Variants in SLC24A2 observed in about 807,000 individuals in gnomAD.
The protein encoded by SLC24A2 is sodium/potassium/calcium exchanger 2.
A neutral mutation model predicts 62.0 loss-of-function variants in SLC24A2; 36 were observed. The observed-to-expected ratio is 0.58, with a 90% CI of 0.44 to 0.77. The LOEUF (loss-of-function observed/expected upper bound fraction) is 0.77, where lower values mean the gene tolerates loss of function less well. Among genes scored for constraint, SLC24A2 ranks in the 30% least tolerant of loss-of-function variants. The probability of loss-of-function intolerance (pLI) is 0.00; values close to 1 mark genes in which losing one functional copy is unlikely to be tolerated. For synonymous variants in SLC24A2, 358 were observed against 294.0 expected, an observed-to-expected ratio of 1.22 and a Z score of -2.23; for missense variants, 846 against 817.9, an observed-to-expected ratio of 1.03 and a Z score of -0.42.
At chr9:20,041,862 G>C in the SLC24A2 span, among the ~76,000 whole-genome samples, 1 of 152,240 alleles carries the variant, frequency 6.6e-6, no homozygotes, top group Non-Finnish European at 1.5e-5. Flanking sequence ...CTTCCAGAGT[G>C]GGGAGTTGGC....
At chr9:20,125,612 C>T in the SLC24A2 span, among the ~76,000 whole-genome samples, 464 of 152,232 alleles carry the variant, frequency 3.0e-3, 1 homozygote, top group African/African-American at 0.01. Context: ...TCCCCTCATT[C>T]CACTGGGCCC....
chr9:19,797,276 A>G, the SLC24A2 span, among the ~76,000 whole-genome samples: 4 of 152,178 alleles, frequency 2.6e-5, no homozygotes, highest in East Asian at 1.9e-4. Flanking sequence ...TAGGTGTTCG[A>G]TAAGTATCTT....
chr9:19,889,997 C>T, the SLC24A2 span, among the ~76,000 whole-genome samples: 1 of 151,416 alleles, frequency 6.6e-6, no homozygotes, highest in African/African-American at 2.4e-5. Context: ...CCATACTTCT[C>T]TTTGCACACA....
At chr9:20,196,036 TAATATA>T in the SLC24A2 span, among the ~76,000 whole-genome samples, 10 of 152,122 alleles carry the variant, frequency 6.6e-5, no homozygotes, top group African/African-American at 1.9e-4. Flanking sequence ...TAAGCGAATA[TAATATA>T]AATATAATTT....
chr9:19,811,132 T>C, the SLC24A2 span, among the ~76,000 whole-genome samples: 3 of 152,178 alleles, frequency 2.0e-5, no homozygotes, highest in Admixed American at 6.5e-5. Flanking sequence ...GGAACCCTCA[T>C]GAATGAGATG....
At chr9:19,691,128 T>A (rs1820034965) in intron 2 of SLC24A2, among the ~76,000 whole-genome samples, 2 of 152,134 alleles carry the variant, frequency 1.3e-5, no homozygotes, top group African/African-American at 4.8e-5. Flanking sequence ...TGAAACATCC[T>A]CCTTTGAAGG....
the SLC24A2 span, among the ~76,000 whole-genome samples, chr9:20,072,152 T>C: frequency 2.6e-5 from 4 of 152,062 alleles, no homozygotes; most frequent in Non-Finnish European, 5.9e-5. Context: ...ACTTCATAGG[T>C]TATCTATGAT....
chr9:20,223,886 G>T, the SLC24A2 span, among the ~76,000 whole-genome samples: 1 of 152,130 alleles, frequency 6.6e-6, no homozygotes, highest in Non-Finnish European at 1.5e-5. Context: ...CGGATTTACA[G>T]TTCTGCATGG....
At chr9:19,813,911 T>C in the SLC24A2 span, among the ~76,000 whole-genome samples, 24 of 152,138 alleles carry the variant, frequency 1.6e-4, no homozygotes, top group Non-Finnish European at 2.4e-4. Context: ...CACCTTGATC[T>C]TGGACTTCCC....
At chr9:20,305,501 G>C in the SLC24A2 span, among the ~76,000 whole-genome samples, 1 of 152,114 alleles carries the variant, frequency 6.6e-6, no homozygotes, top group Non-Finnish European at 1.5e-5. Flanking sequence ...AAAAGATGTA[G>C]GTCAGGAGGT....
chr9:20,232,165 A>T, the SLC24A2 span, among the ~76,000 whole-genome samples: 2 of 152,200 alleles, frequency 1.3e-5, no homozygotes, highest in African/African-American at 4.8e-5. Context: ...TTTTGCATCA[A>T]TGTTCATCAA....
intron 2 of SLC24A2, among the ~76,000 whole-genome samples, chr9:19,665,417 C>T (rs1218997691): frequency 6.6e-6 from 1 of 152,030 alleles, no homozygotes; most frequent in Non-Finnish European, 1.5e-5. Context: ...GCCTGGGTAA[C>T]TGGGTGGGTG....
the SLC24A2 span, among the ~76,000 whole-genome samples, chr9:19,833,444 C>T: frequency 2.6e-5 from 4 of 152,318 alleles, no homozygotes; most frequent in African/African-American, 7.2e-5. Context: ...GCACCTGGCT[C>T]GGAGGGTCCT....
At chr9:19,870,339 T>C in the SLC24A2 span, among the ~76,000 whole-genome samples, 1 of 152,208 alleles carries the variant, frequency 6.6e-6, no homozygotes, top group Non-Finnish European at 1.5e-5. Context: ...TGTTATAGCA[T>C]GTAACCACAG....
chr9:19,550,420 TCA>T (rs2132747297), intron 7 of SLC24A2, 152 bp from the exon 8 acceptor site: 5 of 753,444 alleles, frequency 6.6e-6, no homozygotes, highest in Non-Finnish European at 1.1e-5. Flanking sequence ...TTGAGATTTG[TCA>T]CAGTCTGAGT....
At chr9:20,278,348 T>C in the SLC24A2 span, among the ~76,000 whole-genome samples, 5 of 152,276 alleles carry the variant, frequency 3.3e-5, no homozygotes, top group African/African-American at 1.2e-4. Flanking sequence ...AAGTTCCAAC[T>C]CCAGACCAAA....
intron 7 of SLC24A2, among the ~76,000 whole-genome samples, chr9:19,553,861 C>T (rs188004129): frequency 3.3e-5 from 5 of 152,310 alleles, no homozygotes; most frequent in African/African-American, 7.2e-5. Context: ...GGCTGCTGGC[C>T]GGTTAACGTG....
the SLC24A2 span, among the ~76,000 whole-genome samples, chr9:19,918,533 C>T: frequency 8.5e-5 from 13 of 152,228 alleles, no homozygotes; most frequent in South Asian, 2.1e-3. Context: ...CTCTGATTTC[C>T]ACCACTTCTC....
At chr9:19,764,673 T>C (rs767961902) in intron 2 of SLC24A2, among the ~76,000 whole-genome samples, 9 of 151,878 alleles carry the variant, frequency 5.9e-5, no homozygotes, top group Non-Finnish European at 1.2e-4. Context: ...GAGACTGTTA[T>C]GATTTCCATT....
Sources: gnomAD v4.1 joint callset for allele counts (sites outside exome capture counted in the v4.1 genomes callset) on GRCh38, gnomAD v4.1.1 for gene constraint, MANE v1.5 for transcripts, NCBI Gene and HGNC (gene_info 2026-07-23, HGNC 2026-07-21) for gene names.